Variants in HHAT observed in about 807,000 individuals in gnomAD.
The protein encoded by HHAT is hedgehog acyltransferase, also known as protein-cysteine N-palmitoyltransferase HHAT.
A neutral mutation model predicts 70.8 loss-of-function variants in HHAT; 47 were observed. The ratio of observed to expected loss-of-function variants is 0.66; its 90% CI spans 0.53 to 0.85. HHAT has a LOEUF of 0.85. Among genes scored for constraint, HHAT ranks in the 40% least tolerant of loss-of-function variants. The probability of loss-of-function intolerance (pLI) is 0.00; values close to 1 mark genes in which losing one functional copy is unlikely to be tolerated. For synonymous variants in HHAT, 228 were observed against 247.6 expected, an observed-to-expected ratio of 0.92 and a Z score of 0.74; for missense variants, 609 against 604.8, an observed-to-expected ratio of 1.01 and a Z score of -0.07.
At chr1:210,484,975 G>A (rs867603472) in intron 8 of HHAT, among the ~76,000 whole-genome samples, 2 of 152,138 alleles carry the variant, frequency 1.3e-5, no homozygotes, top group East Asian at 1.9e-4. Flanking sequence ...ACATAAATTT[G>A]GGGTCATTGC....
At chr1:210,476,691 T>C (rs1018906251) in intron 8 of HHAT, among the ~76,000 whole-genome samples, 1 of 152,198 alleles carries the variant, frequency 6.6e-6, no homozygotes, top group African/African-American at 2.4e-5. Flanking sequence ...GTATTTGATA[T>C]TTTGCTTTAA....
upstream of HHAT, among the ~76,000 whole-genome samples, chr1:210,327,764 TA>T (rs199587644): frequency 9.7e-3 from 1,478 of 152,294 alleles, 30 homozygotes; most frequent in South Asian, 0.027. Context: ...CTACCGCTCC[TA>T]AAGTGCTGAG....
intron 9 of HHAT, among the ~76,000 whole-genome samples, chr1:210,576,533 G>A: frequency 7.6e-6 from 1 of 131,626 alleles, no homozygotes; most frequent in South Asian, 3.0e-4. Flanking sequence ...GGGGGAGGGG[G>A]GAGGGATAGC....
intron 11 of HHAT, among the ~76,000 whole-genome samples, chr1:210,634,408 G>T (rs567614893): frequency 1.1e-4 from 16 of 152,344 alleles, no homozygotes; most frequent in African/African-American, 2.6e-4. Context: ...GGTCGCCTCA[G>T]TGAGAAGGCC....
At chr1:210,363,438 TC>T (rs900531904) in intron 3 of HHAT, among the ~76,000 whole-genome samples, 2 of 152,218 alleles carry the variant, frequency 1.3e-5, no homozygotes, top group African/African-American at 4.8e-5. Context: ...TGGCCACTGT[TC>T]TTTCACATAC....
chr1:210,385,945 G>C (rs142461499), intron 3 of HHAT, among the ~76,000 whole-genome samples: 366 of 152,318 alleles, frequency 2.4e-3, no homozygotes, highest in African/African-American at 8.4e-3. Context: ...ATCACAGCAA[G>C]TGTGTGAGTA....
intron 10 of HHAT, chr1:210,589,621 A>T (rs1038651101): frequency 6.6e-6 from 1 of 152,254 alleles, no homozygotes; most frequent in Non-Finnish European, 1.5e-5. Context: ...ATTAACCTTG[A>T]ACTTAATGTT....
At chr1:210,647,433 A>C (rs7543946) in intron 11 of HHAT, among the ~76,000 whole-genome samples, 102,944 of 151,970 alleles carry the variant, frequency 0.68, 36,919 homozygotes, top group Non-Finnish European at 0.81. Flanking sequence ...TCCACTGGGG[A>C]CATTTTTCCT....
At chr1:210,574,141 G>T (rs996363560) in intron 9 of HHAT, among the ~76,000 whole-genome samples, 4 of 152,232 alleles carry the variant, frequency 2.6e-5, no homozygotes, top group African/African-American at 9.6e-5. Flanking sequence ...CAAGTTGAAA[G>T]AGATCATCTA....
intron 10 of HHAT, among the ~76,000 whole-genome samples, chr1:210,600,561 G>C (rs566087894): frequency 6.6e-6 from 1 of 152,210 alleles, no homozygotes; most frequent in East Asian, 1.9e-4. Flanking sequence ...TATGAGAGGA[G>C]GGATTGTTGG....
intron 11 of HHAT, among the ~76,000 whole-genome samples, chr1:210,650,812 A>G (rs1030119273): frequency 2.6e-5 from 4 of 152,254 alleles, no homozygotes; most frequent in East Asian, 1.9e-4. Flanking sequence ...CTAGAGGCAC[A>G]TGGACCTGAG....
In HHAT at chr1:210,477,151, G is replaced by A. The variant is rs111436239; in HGVS notation, c.1007+12496G>A. On this transcript the variant is annotated intron_variant, in intron 8 of 11. Coordinates refer to ENST00000261458, the MANE Select transcript of HHAT (RefSeq NM_018194.6). Reference sequence around the variant, plus strand: ...AACAAACTTGTTGACCAGCTCTAAGGCAGGGAGGGTGCTGGAGGGCAGCTC... The same window carrying A: ...AACAAACTTGTTGACCAGCTCTAAGACAGGGAGGGTGCTGGAGGGCAGCTC... Among the ~76,000 whole-genome samples, 1,361 of 152,288 alleles carry A rather than the reference G, an allele frequency of 8.9e-3. 31 individuals carry two copies. The highest frequency in any genetic ancestry group is 0.031 in the African/African-American group (1,293 of 41,562).
intron 10 of HHAT, among the ~76,000 whole-genome samples, chr1:210,617,976 T>C (rs1188343511): frequency 6.6e-6 from 1 of 152,112 alleles, no homozygotes; most frequent in Non-Finnish European, 1.5e-5. Flanking sequence ...AAGAGCGAGA[T>C]GGGTGATAGC....
chr1:210,466,871 C>T (rs993731622), intron 8 of HHAT, among the ~76,000 whole-genome samples: 1 of 152,082 alleles, frequency 6.6e-6, no homozygotes. Flanking sequence ...TAGAACTAGA[C>T]TCATATAGTT....
chr1:210,346,194 T>C lies in HHAT; in HGVS notation c.-43-2739T>C, dbSNP rs983113779. On this transcript the variant is annotated intron_variant, in intron 1 of 11. Transcript: ENST00000261458. Reference sequence around the variant, plus strand: ...TAGAATGTCCCTGAAAAGCATCTAATGGCAGGCCTTCTAAAACTTTCATTC... The same window carrying C: ...TAGAATGTCCCTGAAAAGCATCTAACGGCAGGCCTTCTAAAACTTTCATTC... Among the ~76,000 whole-genome samples the C allele has an allele frequency of 3.3e-5, 5 of 152,300 alleles. No homozygotes were observed. In the East Asian group the frequency reaches 5.8e-4, roughly 18 times the overall value.
chr1:210,484,812 TCA>T (rs1305533035), intron 8 of HHAT, among the ~76,000 whole-genome samples: 2 of 152,194 alleles, frequency 1.3e-5, no homozygotes, highest in Non-Finnish European at 2.9e-5. Flanking sequence ...TTTTTGGTGC[TCA>T]CATTGTCTCA....
Position 210,674,358 on chromosome 1 carries a change from C to T in HHAT, c.1461C>T (p.Ala487=), listed in dbSNP as rs1033023540. Residue 487 remains alanine (A), a synonymous_variant, in exon 12 of 12, where the codon GCC becomes GCT. Transcript: ENST00000261458. ...ACTCCCACGTGGGCATTGCCTGGGC[C>T]CAGACCTACGCCACGGACTAATGCT... The part of the protein sequence containing the change: ...YCYSHVGIAW[A]QTYATD 2 of 1,613,998 alleles carry T rather than the reference C, an allele frequency of 1.2e-6. No individual in the cohort carries two copies. Among genetic ancestry groups the T allele is most frequent in the Non-Finnish European group, 1.7e-6 (2 of 1,180,008 alleles).
intron 9 of HHAT, among the ~76,000 whole-genome samples, chr1:210,524,794 C>T (rs988493839): frequency 6.6e-6 from 1 of 152,090 alleles, no homozygotes; most frequent in Non-Finnish European, 1.5e-5. Context: ...TCCTGCTACT[C>T]GGGGGTTTCT....
At chr1:210,554,358 C>T (rs1368165965) in intron 9 of HHAT, among the ~76,000 whole-genome samples, 2 of 152,226 alleles carry the variant, frequency 1.3e-5, no homozygotes, top group East Asian at 3.9e-4. Flanking sequence ...TTTGTCCTGG[C>T]TTTTGAAGAT....
Sources: allele counts gnomAD v4.1 joint callset (sites outside exome capture counted in the v4.1 genomes callset), GRCh38; gene constraint gnomAD v4.1.1; transcripts MANE v1.5; gene names NCBI Gene and HGNC (gene_info 2026-07-23, HGNC 2026-07-21).